CAST: variants seen among roughly 807,000 people sequenced by gnomAD.
CAST encodes MIR583 host.
A neutral mutation model predicts 119.6 loss-of-function variants in CAST; 76 were observed. The ratio of observed to expected loss-of-function variants is 0.64; its 90% CI spans 0.53 to 0.77. CAST has a LOEUF of 0.77. CAST is among the 30% of genes least tolerant of loss of function. The probability of loss-of-function intolerance (pLI) is 0.00; values close to 1 mark genes in which losing one functional copy is unlikely to be tolerated. For missense variants in CAST, 953 were observed against 946.5 expected (o/e 1.01, Z -0.09); for synonymous variants, 319 against 331.6 (o/e 0.96, Z 0.41).
the CAST span, among the ~76,000 whole-genome samples, chr5:96,447,256 C>T: frequency 6.6e-6 from 1 of 152,218 alleles, no homozygotes; most frequent in Non-Finnish European, 1.5e-5. Flanking sequence ...AGCATGCAGG[C>T]CCTAGGGGCC....
chr5:96,271,502 A>G, the CAST span, among the ~76,000 whole-genome samples: 1 of 152,212 alleles, frequency 6.6e-6, no homozygotes, highest in South Asian at 2.1e-4. Flanking sequence ...CAATGGAAAA[A>G]GGACAGTCTT....
At chr5:96,432,600 A>C in the CAST span, among the ~76,000 whole-genome samples, 1 of 152,162 alleles carries the variant, frequency 6.6e-6, no homozygotes, top group South Asian at 2.1e-4. Context: ...ACGGATTTCA[A>C]TTCTAGAGCG....
the CAST span, among the ~76,000 whole-genome samples, chr5:96,183,160 A>AAATAATAAT: frequency 0.042 from 5,999 of 143,198 alleles, 113 homozygotes; most frequent in East Asian, 0.056. Flanking sequence ...AAAATAAATA[A>AAATAATAAT]AATAATAATA....
the CAST span, among the ~76,000 whole-genome samples, chr5:96,403,440 G>T: frequency 6.6e-6 from 1 of 152,048 alleles, no homozygotes; most frequent in Non-Finnish European, 1.5e-5. Context: ...ACAGGCCCCG[G>T]TGTATTTTTC....
the CAST span, among the ~76,000 whole-genome samples, chr5:96,133,591 T>C: frequency 6.6e-6 from 1 of 152,206 alleles, no homozygotes; most frequent in Non-Finnish European, 1.5e-5. Flanking sequence ...TACTTGTGCT[T>C]ATGGTTCTGA....
chr5:96,581,645 C>T (rs770640271), intron 1 of CAST, among the ~76,000 whole-genome samples: 4 of 152,180 alleles, frequency 2.6e-5, no homozygotes, highest in Non-Finnish European at 5.9e-5. Context: ...AATCCCAGCA[C>T]TTTGGGAGGC....
chr5:96,385,952 G>T, the CAST span, among the ~76,000 whole-genome samples: 1 of 152,160 alleles, frequency 6.6e-6, no homozygotes, highest in Non-Finnish European at 1.5e-5. Context: ...TAAAATCTCA[G>T]CTCTACTCCT....
intron 1 of CAST, among the ~76,000 whole-genome samples, chr5:96,672,247 CTT>C (rs1750166028): frequency 6.6e-6 from 1 of 152,038 alleles, no homozygotes; most frequent in South Asian, 2.1e-4. Flanking sequence ...CTCTCTCTCT[CTT>C]TCTGTGTCTG....
chr5:96,232,226 G>A, the CAST span, among the ~76,000 whole-genome samples: 1 of 152,034 alleles, frequency 6.6e-6, no homozygotes, highest in Non-Finnish European at 1.5e-5. Context: ...ATCTCTGGAG[G>A]ATGAGAGTGT....
At chr5:96,653,830 A>G (rs1748123150) in intron 1 of CAST, among the ~76,000 whole-genome samples, 1 of 152,114 alleles carries the variant, frequency 6.6e-6, no homozygotes, top group Admixed American at 6.5e-5. Flanking sequence ...ATAAATAAAT[A>G]ACTATGAGTC....
intron 1 of CAST, among the ~76,000 whole-genome samples, chr5:96,588,725 A>G (rs1746907160): frequency 6.6e-6 from 1 of 152,198 alleles, no homozygotes. Flanking sequence ...AATGTAACAC[A>G]CCATGTACTA....
chr5:96,234,755 C>T, the CAST span, among the ~76,000 whole-genome samples: 4 of 152,114 alleles, frequency 2.6e-5, no homozygotes, highest in South Asian at 4.1e-4. Flanking sequence ...AGCAGACTTA[C>T]GTTTATATCT....
the CAST span, among the ~76,000 whole-genome samples, chr5:96,230,720 TG>T: frequency 6.6e-6 from 1 of 152,106 alleles, no homozygotes; most frequent in Non-Finnish European, 1.5e-5. Context: ...GTCTATAGAC[TG>T]GGAGACAATA....
chr5:96,339,473 T>C, the CAST span, among the ~76,000 whole-genome samples: 1 of 152,108 alleles, frequency 6.6e-6, no homozygotes, highest in Non-Finnish European at 1.5e-5. Context: ...ACATGATAGA[T>C]GGGAAATGGA....
rs1748762757 is a variant in CAST, at chr5:96,662,932, C to G, written c.75+435C>G. ...GCCTCTTCCCTAACCAGCCTCGAGC[C>G]AAATTGGGCGGGCGAGGAGGGGCGG... is the stretch of plus-strand genomic sequence containing the variant. On this transcript the variant is annotated intron_variant, in intron 1 of 31. Transcript: ENST00000675179. The G allele has an allele frequency of 5.1e-6, 3 of 590,010 alleles. No homozygotes were observed. In the East Asian group the frequency reaches 8.7e-5, roughly 17 times the overall value. 36.5% of individuals were successfully genotyped at this position (590,010 alleles called of 1,614,324 possible).
At chr5:96,108,568 G>T in the CAST span, among the ~76,000 whole-genome samples, 75 of 152,318 alleles carry the variant, frequency 4.9e-4, 1 homozygote, top group South Asian at 0.015. Flanking sequence ...ACTTGAGGAG[G>T]CAGTGTGCCT....
At chr5:96,595,747 C>T (rs1031952123) in intron 1 of CAST, among the ~76,000 whole-genome samples, 13 of 151,868 alleles carry the variant, frequency 8.6e-5, no homozygotes, top group East Asian at 1.9e-4. Flanking sequence ...ATATGCAGAA[C>T]TTAGATAAAA....
At chr5:96,331,247 T>C in the CAST span, among the ~76,000 whole-genome samples, 12 of 152,190 alleles carry the variant, frequency 7.9e-5, no homozygotes, top group Non-Finnish European at 1.5e-4. Flanking sequence ...TGATTCCACA[T>C]CTAGTTCTCC....
At chr5:96,558,003 G>A (rs915556926) in intron 1 of CAST, among the ~76,000 whole-genome samples, 5 of 152,064 alleles carry the variant, frequency 3.3e-5, no homozygotes, top group Admixed American at 6.6e-5. Context: ...ATAACAAACT[G>A]TCTCTCAGAC....
Sources: gnomAD v4.1 joint callset for allele counts (sites outside exome capture counted in the v4.1 genomes callset) on GRCh38, gnomAD v4.1.1 for gene constraint, MANE v1.5 for transcripts, NCBI Gene and HGNC (gene_info 2026-07-23, HGNC 2026-07-21) for gene names.